CLEC16A: variants seen among roughly 807,000 people sequenced by gnomAD.
CLEC16A encodes the protein protein CLEC16A.
Under a neutral mutation model 109.5 loss-of-function variants are expected in CLEC16A, and 51 were observed. That is an observed-to-expected ratio of 0.47 (90% CI 0.37 to 0.59). The LOEUF is 0.59. Among genes scored for constraint, CLEC16A ranks in the 20% least tolerant of loss-of-function variants. The pLI, the probability that CLEC16A is intolerant of heterozygous loss-of-function variation, is 0.00. For missense variants in CLEC16A, 1,339 were observed against 1,394.0 expected (o/e 0.96, Z 0.63); for synonymous variants, 673 against 564.2 (o/e 1.19, Z -2.73).
Position 11,060,967 on chromosome 16 carries a change from G to A in CLEC16A, c.2061G>A (p.Gln687=). 2 of 1,612,696 alleles carry A rather than the reference G, an allele frequency of 1.2e-6. No homozygotes were observed. Among genetic ancestry groups the A allele is most frequent in the Non-Finnish European group, 1.7e-6 (2 of 1,179,560 alleles). ...AATTGCGAGGGGAGCCTGAGACACAGTTGCCGCTGACTCGGGAGGAGGACC... is the reference window on the plus strand; with the variant it reads ...AATTGCGAGGGGAGCCTGAGACACAATTGCCGCTGACTCGGGAGGAGGACC... ...SLQLRGEPET[Q]LPLTREEDLI... Residue 687 remains glutamine (Q), a synonymous_variant, in exon 19 of 24, where the codon CAG becomes CAA. Coordinates refer to ENST00000409790, the MANE Select transcript of CLEC16A (RefSeq NM_015226.3).
chr16:11,013,799 C>T (rs1357621846), intron 11 of CLEC16A, among the ~76,000 whole-genome samples: 3 of 151,686 alleles, frequency 2.0e-5, no homozygotes, highest in African/African-American at 7.3e-5. Flanking sequence ...ATGAGCCGGG[C>T]ATGGTGGCGT....
At chr16:11,026,645 GTTTTT>G (rs35679277) in intron 13 of CLEC16A, among the ~76,000 whole-genome samples, 27 of 106,432 alleles carry the variant, frequency 2.5e-4, no homozygotes, top group African/African-American at 8.8e-4. Flanking sequence ...TTTGTTTGGG[GTTTTT>G]TTTTTTTTTT....
In CLEC16A at chr16:11,123,669, A is replaced by T. The variant is rs1162694712; in HGVS notation, c.2269-73A>T. ...TTGGAGACCTCTTTCTAGATGCCTCATGATGCCACAGCTCCTAGCCACCCT... is the reference window on the plus strand; with the variant it reads ...TTGGAGACCTCTTTCTAGATGCCTCTTGATGCCACAGCTCCTAGCCACCCT... On this transcript the variant is annotated intron_variant, in intron 20 of 23. Coordinates refer to ENST00000409790, the MANE Select transcript of CLEC16A (RefSeq NM_015226.3). 2.8e-6 allele frequency: 4 copies of T among 1,438,398 alleles called. No homozygotes were observed. The Admixed American group carries it at 6.8e-5, about 25-fold the overall frequency. 89.1% of individuals were successfully genotyped at this position (1,438,398 alleles called of 1,614,324 possible).
At chr16:11,161,784 C>G (rs2054729880) in intron 22 of CLEC16A, among the ~76,000 whole-genome samples, 1 of 152,198 alleles carries the variant, frequency 6.6e-6, no homozygotes, top group Non-Finnish European at 1.5e-5. Flanking sequence ...TTTAAGAAAG[C>G]AGAAATCCAG....
rs565126713 is a variant in CLEC16A at position 11,046,973 on chromosome 16, A to C, written c.1816-319A>C. On this transcript the variant is annotated intron_variant, in intron 16 of 23. Coordinates refer to ENST00000409790, the MANE Select transcript of CLEC16A (RefSeq NM_015226.3). ...CTCGACAAAATAGATAATGTTAAACACTTGAAATATTAGCCTTTTCTATAT... is the reference window on the plus strand; with the variant it reads ...CTCGACAAAATAGATAATGTTAAACCCTTGAAATATTAGCCTTTTCTATAT... Among the ~76,000 whole-genome samples, 3 of 152,262 alleles carry C rather than the reference A, an allele frequency of 2.0e-5. No individual in the cohort carries two copies. The East Asian group carries it at 5.8e-4, about 29-fold the overall frequency.
At chr16:10,960,489 A>C (rs1567505828) in intron 2 of CLEC16A, among the ~76,000 whole-genome samples, 1 of 152,210 alleles carries the variant, frequency 6.6e-6, no homozygotes, top group Non-Finnish European at 1.5e-5. Context: ...CCATCATCAC[A>C]AGGCATTCAC....
chr16:11,028,540 G>A (rs1442112037), intron 13 of CLEC16A, among the ~76,000 whole-genome samples: 5 of 147,612 alleles, frequency 3.4e-5, no homozygotes, highest in African/African-American at 1.3e-4. Flanking sequence ...TGTCTCTGCT[G>A]TGGAAAAAAA....
chr16:11,089,790 G>T (rs1255311180), intron 19 of CLEC16A, among the ~76,000 whole-genome samples: 4 of 152,224 alleles, frequency 2.6e-5, no homozygotes, highest in Non-Finnish European at 4.4e-5. Context: ...ACTGAGGGGT[G>T]CTGGGCATGA....
intron 13 of CLEC16A, among the ~76,000 whole-genome samples, chr16:11,034,431 C>A (rs2046911502): frequency 6.6e-6 from 1 of 152,162 alleles, no homozygotes; most frequent in African/African-American, 2.4e-5. Context: ...TTTTACCTCT[C>A]TACCCTAAAT....
chr16:11,156,629 A>C (rs1247983472), intron 22 of CLEC16A: 2 of 1,304,278 alleles, frequency 1.5e-6, no homozygotes, highest in Non-Finnish European at 2.0e-6. Context: ...CAAGCTTGCT[A>C]GTGCCTTGGC....
At chr16:10,947,412 C>T (rs1259957702) in intron 1 of CLEC16A, among the ~76,000 whole-genome samples, 2 of 152,146 alleles carry the variant, frequency 1.3e-5, no homozygotes, top group Non-Finnish European at 2.9e-5. Flanking sequence ...GTGCTGAGAT[C>T]GCCATGGACC....
chr16:10,986,215 A>G (rs2043647517), intron 10 of CLEC16A, among the ~76,000 whole-genome samples: 1 of 151,126 alleles, frequency 6.6e-6, no homozygotes, highest in Non-Finnish European at 1.5e-5. Flanking sequence ...TATTTTTAGT[A>G]GAGACGGGGT....
At position 11,037,567 on chromosome 16, in the gene CLEC16A, G is replaced by T. The variant is rs1387597454; in HGVS notation, c.1538-2187G>T. On this transcript the variant is annotated intron_variant, in intron 13 of 23. Transcript: ENST00000409790. ...CCACAAATTCTAAGGAGACGGAGGG[G>T]CAATGATAGGAAAGAAACAAAATGG... Among the ~76,000 whole-genome samples, 8 of 152,310 alleles carry T rather than the reference G, an allele frequency of 5.3e-5. No homozygotes were observed. The East Asian group carries it at 9.6e-4, about 18-fold the overall frequency.
chr16:11,124,644 G>C (rs2052669675), intron 21 of CLEC16A, among the ~76,000 whole-genome samples: 2 of 152,218 alleles, frequency 1.3e-5, no homozygotes, highest in African/African-American at 4.8e-5. Flanking sequence ...GGCGTGGGGG[G>C]AAGGCATGCT....
At chr16:11,043,813 C>T (rs947316062) in intron 15 of CLEC16A, among the ~76,000 whole-genome samples, 2 of 151,038 alleles carry the variant, frequency 1.3e-5, no homozygotes, top group African/African-American at 4.9e-5. Flanking sequence ...TGCACTGAGC[C>T]AAGATCACAC....
chr16:11,170,918 C>T (rs2068484260), intron 23 of CLEC16A, among the ~76,000 whole-genome samples: 2 of 152,198 alleles, frequency 1.3e-5, no homozygotes, highest in African/African-American at 4.8e-5. Flanking sequence ...CCAGAGGTGG[C>T]ATCGCTGCAG....
intron 22 of CLEC16A, among the ~76,000 whole-genome samples, chr16:11,143,490 T>C (rs940500725): frequency 2.0e-5 from 3 of 152,204 alleles, no homozygotes; most frequent in Non-Finnish European, 4.4e-5. Context: ...ATGCCACTTA[T>C]ATAGCAGTTT....
At chr16:11,131,147 T>TG (rs570447605) in intron 22 of CLEC16A, among the ~76,000 whole-genome samples, 7 of 152,256 alleles carry the variant, frequency 4.6e-5, no homozygotes, top group African/African-American at 1.7e-4. Context: ...GGGGGGTCAG[T>TG]GGCGGCCAGT....
intron 14 of CLEC16A, 33 bp downstream of exon 14, chr16:11,039,909 C>G (rs1032056659): frequency 1.2e-6 from 2 of 1,605,362 alleles, no homozygotes; most frequent in African/African-American, 2.7e-5. Context: ...GTCCACAGGG[C>G]CACGCAGTTG....
Sources: gnomAD v4.1 joint callset for allele counts (sites outside exome capture counted in the v4.1 genomes callset) on GRCh38, gnomAD v4.1.1 for gene constraint, MANE v1.5 for transcripts, NCBI Gene and HGNC (gene_info 2026-07-23, HGNC 2026-07-21) for gene names.